AGK: variants seen among roughly 807,000 people sequenced by gnomAD.
AGK encodes the protein acylglycerol kinase, mitochondrial.
Under a neutral mutation model 66.4 loss-of-function variants are expected in AGK, and 52 were observed. That is an observed-to-expected ratio of 0.78 (90% confidence interval 0.63 to 0.99). AGK has a LOEUF of 0.99. AGK is among the 50% of genes least tolerant of loss of function. AGK has a pLI of 0.00. For synonymous variants in AGK, 182 were observed against 181.1 expected (o/e 1.00, Z -0.04); for missense variants, 451 against 506.6 (o/e 0.89, Z 1.05).
intron 2 of AGK, among the ~76,000 whole-genome samples, chr7:141,561,162 CTTG>C (rs763689304): frequency 3.4e-4 from 52 of 152,158 alleles, no homozygotes; most frequent in Admixed American, 1.3e-4. Context: ...TCTTTAGCCA[CTTG>C]TTGGTTGATG....
At chr7:141,596,488 G>A (rs893578480) in intron 3 of AGK, 74 bp from the exon 4 acceptor site, 13 of 1,334,774 alleles carry the variant, frequency 9.7e-6, no homozygotes, top group Non-Finnish European at 1.3e-5. Context: ...CATTTTTTTT[G>A]GAATGAAAGA....
At chr7:141,631,525 C>T (rs1336918914) in intron 9 of AGK, among the ~76,000 whole-genome samples, 2 of 152,188 alleles carry the variant, frequency 1.3e-5, no homozygotes, top group Non-Finnish European at 1.5e-5. Context: ...TCATCTTTGA[C>T]TCCCCCATTC....
chr7:141,575,048 T>C (rs1327535153), intron 2 of AGK, among the ~76,000 whole-genome samples: 1 of 152,242 alleles, frequency 6.6e-6, no homozygotes, highest in East Asian at 1.9e-4. Flanking sequence ...GCTGGGCTTT[T>C]TCCTAAACCC....
At chr7:141,644,160 C>T (rs1797352247) in intron 13 of AGK, among the ~76,000 whole-genome samples, 1 of 151,658 alleles carries the variant, frequency 6.6e-6, no homozygotes, top group African/African-American at 2.4e-5. Flanking sequence ...TCTAATTATA[C>T]ATCTCCTTTA....
At chr7:141,626,848 A>G (rs114586046) in intron 9 of AGK, among the ~76,000 whole-genome samples, 179 of 152,378 alleles carry the variant, frequency 1.2e-3, no homozygotes, top group African/African-American at 4.1e-3. Flanking sequence ...GAGAAATTTT[A>G]GTATTAACTA....
chr7:141,636,095 A>G (rs1797162981), intron 10 of AGK, among the ~76,000 whole-genome samples: 1 of 152,180 alleles, frequency 6.6e-6, no homozygotes, highest in African/African-American at 2.4e-5. Context: ...AGTAGCTTTT[A>G]TGTATTTAGC....
chr7:141,599,077 G>C (rs1208724745), intron 4 of AGK: 2 of 152,126 alleles, frequency 1.3e-5, no homozygotes, highest in African/African-American at 4.8e-5. Context: ...AAGAATCCCT[G>C]CGTGCTTCTG....
chr7:141,586,605 G>C (rs1216302078), intron 2 of AGK, among the ~76,000 whole-genome samples: 1 of 152,154 alleles, frequency 6.6e-6, no homozygotes, highest in Non-Finnish European at 1.5e-5. Context: ...GTTTTTGTGT[G>C]GTGGGGTAAG....
chr7:141,571,116 T>G (rs1795597246), intron 2 of AGK, among the ~76,000 whole-genome samples: 1 of 152,238 alleles, frequency 6.6e-6, no homozygotes, highest in Non-Finnish European at 1.5e-5. Flanking sequence ...TTTGCATTCA[T>G]TTTTGATTTT....
intron 2 of AGK, among the ~76,000 whole-genome samples, chr7:141,584,598 A>G (rs1795956515): frequency 6.6e-6 from 1 of 152,196 alleles, no homozygotes. Context: ...TAAACTTTCT[A>G]CATTGAATGA....
At chr7:141,581,542 T>C (rs1349388769) in intron 2 of AGK, among the ~76,000 whole-genome samples, 1 of 151,930 alleles carries the variant, frequency 6.6e-6, no homozygotes, top group Admixed American at 6.5e-5. Context: ...CAGGCTTTAA[T>C]CCTTTTAAAG....
chr7:141,621,929 C>T (rs949626325), intron 9 of AGK, 128 bp downstream of exon 9: 16 of 640,146 alleles, frequency 2.5e-5, no homozygotes, highest in African/African-American at 2.0e-4. Context: ...ATTCCTACCC[C>T]AAGTATTAGT....
In AGK at chr7:141,652,809, T is replaced by C. The variant is rs1189870798; in HGVS notation, c.1154T>C (p.Ile385Thr). ...CAGGGAGCAGGGGGCTCTTTTAGCA[T>C]TGACAGTGAGGAGTATGAAGCGATG... ...IPEGAGGSFSIDSEEYEAMPV... is the reference protein window; with the variant it reads ...IPEGAGGSFSTDSEEYEAMPV... The change falls in exon 16 of 16, where the codon ATT (isoleucine) becomes ACT (threonine). Residue 385 changes from isoleucine (I) to threonine (T), a missense_variant. Physicochemically the swap from Ile to Thr is moderately conservative, Grantham distance 89 (BLOSUM62 -1). Transcript: ENST00000649286. The C allele has an allele frequency of 2.5e-6, 4 of 1,613,634 alleles. No homozygotes were observed. Among genetic ancestry groups the C allele is most frequent in the Admixed American group, 1.7e-5 (1 of 60,002 alleles).
intron 9 of AGK, 106 bp downstream of exon 9, chr7:141,621,907 A>G: frequency 1.3e-6 from 1 of 790,194 alleles, no homozygotes; most frequent in Non-Finnish European, 2.1e-6. Context: ...TGAAAACAAT[A>G]GTTGCTCTTC....
intron 2 of AGK, among the ~76,000 whole-genome samples, chr7:141,568,776 A>G (rs1032284416): frequency 3.3e-5 from 5 of 151,828 alleles, no homozygotes; most frequent in African/African-American, 1.2e-4. Flanking sequence ...GGGTTTCACC[A>G]TGTTGGCCAG....
intron 13 of AGK, among the ~76,000 whole-genome samples, chr7:141,642,684 G>C (rs1027800124): frequency 6.6e-6 from 1 of 152,188 alleles, no homozygotes; most frequent in Non-Finnish European, 1.5e-5. Flanking sequence ...AATTTTAAAT[G>C]ATGCAAAGAA....
chr7:141,619,749 G>A (rs1383657281), intron 8 of AGK, among the ~76,000 whole-genome samples: 2 of 151,356 alleles, frequency 1.3e-5, no homozygotes, highest in Admixed American at 6.6e-5. Context: ...GTGCAAATAC[G>A]AAATGGTAGC....
At chr7:141,612,715 A>G (rs1047584539) in intron 6 of AGK, among the ~76,000 whole-genome samples, 3 of 152,208 alleles carry the variant, frequency 2.0e-5, no homozygotes, top group African/African-American at 7.2e-5. Context: ...CATAAAATTT[A>G]TTAATAAAGA....
chr7:141,634,149 C>T (rs1245540325), intron 10 of AGK, among the ~76,000 whole-genome samples, 169 bp downstream of exon 10: 1 of 152,130 alleles, frequency 6.6e-6, no homozygotes, highest in African/African-American at 2.4e-5. Context: ...GGTTTATGTC[C>T]TATATGCAGA....
Sources: allele counts gnomAD v4.1 joint callset (sites outside exome capture counted in the v4.1 genomes callset), GRCh38; gene constraint gnomAD v4.1.1; transcripts MANE v1.5; gene names NCBI Gene and HGNC (gene_info 2026-07-23, HGNC 2026-07-21).